Variants in ALDH3B1 observed in about 807,000 individuals in gnomAD.
The protein encoded by ALDH3B1 is aldehyde dehydrogenase family 3 member B1.
ALDH3B1 carries 37 observed loss-of-function variants against 46.2 expected under a neutral mutation model. The ratio of observed to expected loss-of-function variants is 0.80; its 90% CI spans 0.62 to 1.05. The LOEUF is 1.05. Among genes scored for constraint, ALDH3B1 ranks in the 50% least tolerant of loss-of-function variants. The pLI, the probability that ALDH3B1 is intolerant of heterozygous loss-of-function variation, is 0.00. For synonymous variants in ALDH3B1, 283 were observed against 281.0 expected (o/e 1.01, Z -0.07); for missense variants, 603 against 665.5 (o/e 0.91, Z 1.03).
At chr11:68,023,760 G>A (rs1857559163) in intron 8 of ALDH3B1, among the ~76,000 whole-genome samples, 1 of 151,930 alleles carries the variant, frequency 6.6e-6, no homozygotes, top group African/African-American at 2.4e-5. Context: ...GTGATGGCAG[G>A]GCTGGGCGCG....
chr11:68,019,860 T>C lies in ALDH3B1; in HGVS notation c.562+64T>C, dbSNP rs960875843. The C allele has an allele frequency of 9.2e-6, 14 of 1,524,510 alleles. No individual in the cohort carries two copies. In the South Asian group the frequency reaches 1.1e-4, roughly 12 times the overall value. The allele number at this position is 1,524,510 out of a possible 1,614,324, so 94.4% of individuals were successfully genotyped here. ...GGAGGACAGCTGCTCAGGGGTCCTG[T>C]CCCTAACTCTGGGAGTCCACAGGGA... is the stretch of plus-strand genomic sequence containing the variant. On this transcript the variant is annotated intron_variant, in intron 6 of 9. Transcript: ENST00000342456.
At chr11:68,020,568 C>T (rs1225728380) in intron 6 of ALDH3B1, among the ~76,000 whole-genome samples, 1 of 152,110 alleles carries the variant, frequency 6.6e-6, no homozygotes, top group East Asian at 1.9e-4. Context: ...GCAGAGGGAG[C>T]GAGAGGAAGA....
chr11:68,013,599 CA>C (rs1387819342), intron 1 of ALDH3B1, among the ~76,000 whole-genome samples: 11 of 152,222 alleles, frequency 7.2e-5, no homozygotes, highest in Admixed American at 2.6e-4. Context: ...GGCACAACAG[CA>C]AATGTTTTAT....
intron 1 of ALDH3B1, among the ~76,000 whole-genome samples, chr11:68,012,798 A>G (rs1351737965): frequency 6.6e-6 from 1 of 151,856 alleles, no homozygotes; most frequent in African/African-American, 2.4e-5. Flanking sequence ...ACTGTGAGGG[A>G]GGTGGGAGCT....
chr11:68,018,660 G>T, intron 3 of ALDH3B1, 23 bp downstream of exon 3: 1 of 1,556,604 alleles, frequency 6.4e-7, no homozygotes, highest in Non-Finnish European at 8.7e-7. Context: ...GGCTGAGGCG[G>T]GCAGGGGGCT....
In ALDH3B1 at chr11:68,028,244, C is replaced by A; in HGVS notation, c.*305C>A. On this transcript the variant is annotated 3_prime_UTR_variant, in exon 10 of 10. Coordinates refer to ENST00000342456, the MANE Select transcript of ALDH3B1 (RefSeq NM_000694.4). ...GAGGACAGACACGGCACCTCTGAGT[C>A]ACCCCTCTCCTGTGGAGCGGGCGTC... The A allele has an allele frequency of 1.8e-6, 1 of 547,946 alleles. No homozygotes were observed. Among genetic ancestry groups the A allele is most frequent in the South Asian group, 1.6e-5 (1 of 61,578 alleles). 33.9% of individuals were successfully genotyped at this position (547,946 alleles called of 1,614,324 possible). A position where few individuals can be genotyped will look rare whatever the true frequency, so the allele number is the denominator to read the frequency against.
intron 6 of ALDH3B1, 113 bp downstream of exon 6, chr11:68,019,909 T>G: frequency 8.5e-7 from 1 of 1,170,844 alleles, no homozygotes; most frequent in Admixed American, 1.9e-5. Flanking sequence ...TCTCTCTCTC[T>G]CTCTGGACCA....
In ALDH3B1 at chr11:68,019,810, G is replaced by A. The variant is rs368403076; in HGVS notation, c.562+14G>A. On this transcript the variant is annotated intron_variant, in intron 6 of 9. Coordinates refer to ENST00000342456, the MANE Select transcript of ALDH3B1 (RefSeq NM_000694.4). ...TCTTCTTCACAGGTGAGGCCGGGAC[G>A]AGGGTCGGGACAGGCTGGGGTCGGG... 8.7e-6 allele frequency: 14 copies of A among 1,613,492 alleles called. No individual in the cohort carries two copies. The highest frequency in any genetic ancestry group is 4.5e-5 in the East Asian group (2 of 44,892).
rs1384292609 is a variant in ALDH3B1, at chr11:68,028,668, C to G, written c.*729C>G. On this transcript the variant is annotated 3_prime_UTR_variant, in exon 10 of 10. Coordinates refer to ENST00000342456, the MANE Select transcript of ALDH3B1 (RefSeq NM_000694.4). ...CTCCGGCCTGGGTGACAGAAGGAGG[C>G]TCTGCCTTAAAAAAAAAAAAAAAAA... The G allele has an allele frequency of 8.0e-6, 1 of 124,672 alleles. No homozygotes were observed. The highest frequency in any genetic ancestry group is 1.6e-5 in the Non-Finnish European group (1 of 61,550). The allele number at this position is 124,672 out of a possible 1,614,324, so 7.7% of individuals were successfully genotyped here. A position where few individuals can be genotyped will look rare whatever the true frequency, so the allele number is the denominator to read the frequency against.
Position 68,022,616 on chromosome 11 carries a change from T to C in ALDH3B1, c.971T>C (p.Val324Ala). Residue 324 changes from valine (V) to alanine (A), a missense_variant, in exon 8 of 10, where the codon GTG becomes GCG. Transcript: ENST00000342456. The part of the protein sequence containing the change: ...RYIAPTVLVD[V>A]QEMEPVMQEE... ...GCAGCCCCCACGGTGCTGGTGGATGTGCAGGAGATGGAGCCTGTGATGCAG... is the reference window on the plus strand; with the variant it reads ...GCAGCCCCCACGGTGCTGGTGGATGCGCAGGAGATGGAGCCTGTGATGCAG... 6.2e-7 allele frequency: 1 copy of C among 1,613,870 alleles called. No individual in the cohort carries two copies. The highest frequency in any genetic ancestry group is 8.5e-7 in the Non-Finnish European group (1 of 1,179,998).
chr11:68,018,490 A>T, intron 2 of ALDH3B1, 37 bp from the exon 3 acceptor site: 1 of 1,505,842 alleles, frequency 6.6e-7, no homozygotes. Flanking sequence ...CAACTCTGGG[A>T]ATCCTGGCCC....
chr11:68,010,926 G>C (rs983366861), intron 1 of ALDH3B1, among the ~76,000 whole-genome samples: 1 of 152,234 alleles, frequency 6.6e-6, no homozygotes, highest in Non-Finnish European at 1.5e-5. Context: ...CCCGCCTGCA[G>C]GAGGCACTTC....
At chr11:68,009,967 A>T (rs1399999927), upstream of ALDH3B1, among the ~76,000 whole-genome samples, 1 of 152,144 alleles carries the variant, frequency 6.6e-6, no homozygotes, top group Non-Finnish European at 1.5e-5. Context: ...TTATAATAGA[A>T]TATAATTAAT....
chr11:68,023,859 T>C (rs562630412), intron 8 of ALDH3B1, among the ~76,000 whole-genome samples: 13 of 151,742 alleles, frequency 8.6e-5, no homozygotes, highest in African/African-American at 2.9e-4. Flanking sequence ...GCTGGCAATA[T>C]AGCAAAACCC....
chr11:68,022,528 C>T, intron 7 of ALDH3B1, 67 bp from the exon 8 acceptor site: 1 of 1,455,688 alleles, frequency 6.9e-7, no homozygotes, highest in Non-Finnish European at 9.0e-7. Flanking sequence ...CTGTCCCCAC[C>T]TCTACCCCCA....
intron 2 of ALDH3B1, 21 bp from the exon 3 acceptor site, chr11:68,018,506 G>T (rs1006874434): frequency 3.3e-6 from 5 of 1,517,436 alleles, no homozygotes; most frequent in Non-Finnish European, 4.5e-6. Context: ...GGCCCACCCT[G>T]ACCCCACCCA....
In ALDH3B1 at chr11:68,028,022, C is replaced by T. The variant is rs111444623; in HGVS notation, c.*83C>T. 6.5e-4 allele frequency: 1,001 copies of T among 1,548,490 alleles called. 4 individuals carry two copies. The African/African-American group carries it at 0.012, about 19-fold the overall frequency. Reference sequence around the variant, plus strand: ...GAGACGGGGCCTGGGCTCCCGGGCCCGAGGAGGAAAAGGATTGCCAAGGCT... The same window carrying T: ...GAGACGGGGCCTGGGCTCCCGGGCCTGAGGAGGAAAAGGATTGCCAAGGCT... On this transcript the variant is annotated 3_prime_UTR_variant, in exon 10 of 10. Transcript: ENST00000342456.
In ALDH3B1 at chr11:68,028,019, G is replaced by T. The variant is rs1021688203; in HGVS notation, c.*80G>T. The T allele has an allele frequency of 1.3e-6, 2 of 1,547,644 alleles. No homozygotes were observed. Among genetic ancestry groups the T allele is most frequent in the Non-Finnish European group, 1.8e-6 (2 of 1,140,314 alleles). ...GTGGAGACGGGGCCTGGGCTCCCGG[G>T]CCCGAGGAGGAAAAGGATTGCCAAG... On this transcript the variant is annotated 3_prime_UTR_variant, in exon 10 of 10. Coordinates refer to ENST00000342456, the MANE Select transcript of ALDH3B1 (RefSeq NM_000694.4).
chr11:68,011,319 C>T lies in ALDH3B1; in HGVS notation c.-2+927C>T, dbSNP rs1271709718. On this transcript the variant is annotated intron_variant, in intron 1 of 9. Coordinates refer to ENST00000342456, the MANE Select transcript of ALDH3B1 (RefSeq NM_000694.4). The stretch of plus-strand genomic sequence containing the variant: ...TCGCTGCAGACTGCTTTTTTCTAAG[C>T]GGACTGCTTTTTTCTAAGGGGTAAG... Among the ~76,000 whole-genome samples the T allele has an allele frequency of 3.9e-5, 6 of 152,110 alleles. No homozygotes were observed. In the South Asian group the frequency reaches 1.0e-3, roughly 26 times the overall value.
Sources: allele counts gnomAD v4.1 joint callset (sites outside exome capture counted in the v4.1 genomes callset), GRCh38; gene constraint gnomAD v4.1.1; transcripts MANE v1.5; gene names NCBI Gene and HGNC (gene_info 2026-07-23, HGNC 2026-07-21).